The following RBFOX1 variants were observed in gnomAD, a reference collection of about 807,000 sequenced individuals.
RBFOX1 encodes RNA binding protein fox-1 homolog 1.
Under a neutral mutation model 57.7 loss-of-function variants are expected in RBFOX1, and 8 were observed. The observed-to-expected ratio is 0.14, with a 90% CI of 0.08 to 0.25. The LOEUF (loss-of-function observed/expected upper bound fraction) is 0.25, where lower values mean the gene tolerates loss of function less well. RBFOX1 is among the 10% of genes least tolerant of loss of function. The pLI is 1.00. For synonymous variants in RBFOX1, 326 were observed against 222.4 expected, an observed-to-expected ratio of 1.47 and a Z score of -4.15; for missense variants, 611 against 548.5, an observed-to-expected ratio of 1.11 and a Z score of -1.14.
At chr16:5,464,315 G>A (rs1049586304) in intron 1 of RBFOX1, among the ~76,000 whole-genome samples, 1 of 152,232 alleles carries the variant, frequency 6.6e-6, no homozygotes, top group Non-Finnish European at 1.5e-5. Flanking sequence ...AGATGCCATG[G>A]TGAATGATTC....
At chr16:6,877,293 C>T (rs546648392) in intron 3 of RBFOX1, among the ~76,000 whole-genome samples, 2 of 152,280 alleles carry the variant, frequency 1.3e-5, no homozygotes, top group Admixed American at 6.5e-5. Flanking sequence ...TGGAGGTATG[C>T]TTCTATCTAG....
chr16:5,408,159 C>T (rs1028202365), intron 1 of RBFOX1, among the ~76,000 whole-genome samples: 1 of 152,092 alleles, frequency 6.6e-6, no homozygotes, highest in Non-Finnish European at 1.5e-5. Context: ...TTCAGCTGCT[C>T]GTGGTGTTTG....
intron 3 of RBFOX1, among the ~76,000 whole-genome samples, chr16:6,920,387 G>C (rs751391085): frequency 6.6e-6 from 1 of 152,112 alleles, no homozygotes; most frequent in Non-Finnish European, 1.5e-5. Flanking sequence ...CATGAAACCA[G>C]AGTCCTTTCT....
chr16:7,203,828 C>T (rs1020300047), intron 4 of RBFOX1, among the ~76,000 whole-genome samples: 3 of 152,314 alleles, frequency 2.0e-5, no homozygotes, highest in South Asian at 4.1e-4. Flanking sequence ...ATTGTCTTAC[C>T]GGCCACGGAT....
At chr16:7,282,451 A>G (rs1401348232) in intron 4 of RBFOX1, among the ~76,000 whole-genome samples, 3 of 152,210 alleles carry the variant, frequency 2.0e-5, no homozygotes, top group African/African-American at 4.8e-5. Flanking sequence ...TGCATGAAAT[A>G]TGGGGAAATA....
At chr16:5,729,562 G>T (rs890360452) in intron 3 of RBFOX1, among the ~76,000 whole-genome samples, 10 of 152,110 alleles carry the variant, frequency 6.6e-5, no homozygotes, top group African/African-American at 2.4e-4. Context: ...TTTACAAGAA[G>T]CTATGTTAAT....
chr16:7,339,627 A>G (rs1410526927), intron 4 of RBFOX1, among the ~76,000 whole-genome samples: 1 of 152,124 alleles, frequency 6.6e-6, no homozygotes, highest in African/African-American at 2.4e-5. Flanking sequence ...TTTAGTAAAG[A>G]CAGGGTTTCA....
intron 2 of RBFOX1, among the ~76,000 whole-genome samples, chr16:5,597,649 C>G (rs1283756433): frequency 6.6e-6 from 1 of 152,082 alleles, no homozygotes; most frequent in South Asian, 2.1e-4. Context: ...ATCTGTCCGC[C>G]TCGGCCTTGC....
At chr16:7,252,063 C>G (rs947496025) in intron 4 of RBFOX1, among the ~76,000 whole-genome samples, 1 of 152,146 alleles carries the variant, frequency 6.6e-6, no homozygotes, top group African/African-American at 2.4e-5. Flanking sequence ...TGTTCTAGCA[C>G]ACTGCAAACA....
intron 4 of RBFOX1, among the ~76,000 whole-genome samples, chr16:5,993,239 G>C (rs974347573): frequency 3.3e-5 from 5 of 152,146 alleles, no homozygotes; most frequent in Non-Finnish European, 7.4e-5. Flanking sequence ...GCTGGGCTCT[G>C]AGCCATATAA....
chr16:6,109,309 T>C (rs544447049), intron 1 of RBFOX1, among the ~76,000 whole-genome samples: 6 of 152,216 alleles, frequency 3.9e-5, no homozygotes, highest in Non-Finnish European at 7.3e-5. Flanking sequence ...TTTCACTGAA[T>C]CTTCATGCCG....
intron 3 of RBFOX1, among the ~76,000 whole-genome samples, chr16:5,803,774 A>T (rs1445149388): frequency 6.6e-6 from 1 of 152,100 alleles, no homozygotes; most frequent in Non-Finnish European, 1.5e-5. Context: ...CTATTATCTC[A>T]TGCTCTACTA....
At chr16:6,508,499 C>G (rs989409742) in intron 2 of RBFOX1, among the ~76,000 whole-genome samples, 6 of 152,044 alleles carry the variant, frequency 3.9e-5, no homozygotes, top group Non-Finnish European at 8.8e-5. Context: ...TTCAGCTAAT[C>G]CCTTAAAACC....
intron 4 of RBFOX1, among the ~76,000 whole-genome samples, chr16:7,280,791 C>G (rs2095525578): frequency 6.6e-6 from 1 of 152,134 alleles, no homozygotes; most frequent in African/African-American, 2.4e-5. Context: ...TAGTAACACC[C>G]TTTCCTCTGG....
At chr16:6,629,126 G>C (rs995609347) in intron 2 of RBFOX1, among the ~76,000 whole-genome samples, 10 of 152,302 alleles carry the variant, frequency 6.6e-5, no homozygotes, top group African/African-American at 2.2e-4. Flanking sequence ...ATGTGTACCT[G>C]GTTACATATA....
rs185248617 is a variant in RBFOX1 at position 5,875,181 on chromosome 16, C to T, written c.351+7846C>T. Among the ~76,000 whole-genome samples, 12 of 152,310 alleles carry T rather than the reference C, an allele frequency of 7.9e-5. No homozygotes were observed. In the East Asian group the frequency reaches 1.9e-3, roughly 24 times the overall value. Reference sequence around the variant, plus strand: ...CATTTACCACATGTGAACGGAGTCCCAAGCACTGCATTATCTTTACAGCAA... The same window carrying T: ...CATTTACCACATGTGAACGGAGTCCTAAGCACTGCATTATCTTTACAGCAA... On this transcript the variant is annotated intron_variant, in intron 4 of 19. Transcript: ENST00000641259.
chr16:7,645,942 C>G (rs72776820), intron 11 of RBFOX1, among the ~76,000 whole-genome samples: 3 of 147,844 alleles, frequency 2.0e-5, no homozygotes, highest in Non-Finnish European at 4.5e-5. Context: ...CCCCACCCAC[C>G]ACCCACCCAC....
At chr16:5,562,012 A>G (rs1370152560) in intron 2 of RBFOX1, among the ~76,000 whole-genome samples, 2 of 152,134 alleles carry the variant, frequency 1.3e-5, no homozygotes, top group African/African-American at 4.8e-5. Flanking sequence ...AGAGGGTGTG[A>G]AGACACAGGG....
intron 2 of RBFOX1, among the ~76,000 whole-genome samples, chr16:6,581,660 C>T (rs1428529085): frequency 1.3e-5 from 2 of 152,178 alleles, no homozygotes; most frequent in Admixed American, 6.5e-5. Context: ...ATCTATTGAT[C>T]CCCAAGCTGC....
Sources: allele counts gnomAD v4.1 joint callset (sites outside exome capture counted in the v4.1 genomes callset), GRCh38; gene constraint gnomAD v4.1.1; transcripts MANE v1.5; gene names NCBI Gene and HGNC (gene_info 2026-07-23, HGNC 2026-07-21).